Variants in ZNF804B observed in about 807,000 individuals in gnomAD.
ZNF804B encodes zinc finger 804B.
A neutral mutation model predicts 101.4 loss-of-function variants in ZNF804B; 80 were observed. That is an observed-to-expected ratio of 0.79 (90% CI 0.66 to 0.95). The LOEUF is 0.95. Among genes scored for constraint, ZNF804B ranks in the 40% least tolerant of loss-of-function variants. The probability of loss-of-function intolerance (pLI) is 0.00; values close to 1 mark genes in which losing one functional copy is unlikely to be tolerated. For synonymous variants in ZNF804B, 622 were observed against 558.8 expected, an observed-to-expected ratio of 1.11 and a Z score of -1.59; for missense variants, 1,673 against 1,561.9, an observed-to-expected ratio of 1.07 and a Z score of -1.20.
chr7:89,156,335 A>G (rs566455074), intron 1 of ZNF804B, among the ~76,000 whole-genome samples: 12 of 152,074 alleles, frequency 7.9e-5, no homozygotes, highest in African/African-American at 2.9e-4. Context: ...GGCTGATCTC[A>G]AACTCCCGAC....
At chr7:89,051,229 TC>T (rs1206590400) in intron 1 of ZNF804B, among the ~76,000 whole-genome samples, 1 of 152,048 alleles carries the variant, frequency 6.6e-6, no homozygotes, top group African/African-American at 2.4e-5. Flanking sequence ...AAAAAAAAAT[TC>T]CAGAAGAGTT....
At chr7:89,306,695 C>CTT (rs1360961654) in intron 2 of ZNF804B, among the ~76,000 whole-genome samples, 1 of 151,920 alleles carries the variant, frequency 6.6e-6, no homozygotes, top group Non-Finnish European at 1.5e-5. Flanking sequence ...AATTTTAGGA[C>CTT]TGGGTGTAGG....
intron 1 of ZNF804B, among the ~76,000 whole-genome samples, chr7:89,186,263 A>G (rs915947766): frequency 1.3e-5 from 2 of 152,274 alleles, no homozygotes; most frequent in East Asian, 3.9e-4. Flanking sequence ...TACACAGTAT[A>G]GCTAAAAGAC....
chr7:89,297,348 T>A (rs1032507281), intron 2 of ZNF804B, among the ~76,000 whole-genome samples: 1 of 152,042 alleles, frequency 6.6e-6, no homozygotes, highest in African/African-American at 2.4e-5. Context: ...TCTAAATAGA[T>A]AAGAATTGCT....
intron 1 of ZNF804B, among the ~76,000 whole-genome samples, chr7:89,037,157 A>G (rs530050886): frequency 6.6e-6 from 1 of 152,254 alleles, no homozygotes; most frequent in South Asian, 2.1e-4. Flanking sequence ...TCTGAGTCCT[A>G]TGGGCAATGC....
chr7:89,333,940 A>G lies in ZNF804B; in HGVS notation c.958A>G (p.Ile320Val). The G allele has an allele frequency of 1.2e-6, 2 of 1,613,642 alleles. No individual in the cohort carries two copies. Among genetic ancestry groups the G allele is most frequent in the Non-Finnish European group, 8.5e-7 (1 of 1,179,770 alleles). ...TGAGACACTAGAAGATTCAATTGGCATTCATGCTTCATTCTCTAAATCTAA... is the reference window on the plus strand; with the variant it reads ...TGAGACACTAGAAGATTCAATTGGCGTTCATGCTTCATTCTCTAAATCTAA... Reference protein sequence around the residue: ...IDETLEDSIGIHASFSKSNIH... With the variant: ...IDETLEDSIGVHASFSKSNIH... The change falls in exon 4 of 4, where the codon ATT becomes GTT. Residue 320 changes from isoleucine to valine, a missense_variant. Transcript: ENST00000333190.
intron 1 of ZNF804B, among the ~76,000 whole-genome samples, chr7:88,860,187 A>G (rs1791625844): frequency 1.3e-5 from 2 of 152,180 alleles, no homozygotes; most frequent in East Asian, 1.9e-4. Context: ...TCTTGCTCAG[A>G]GTATTACAAT....
intron 1 of ZNF804B, among the ~76,000 whole-genome samples, chr7:89,006,092 T>C (rs1788366049): frequency 6.6e-6 from 1 of 152,112 alleles, no homozygotes; most frequent in African/African-American, 2.4e-5. Flanking sequence ...CATGCAACAG[T>C]ATAGCTGACT....
rs982888469 is a variant in ZNF804B at position 89,327,544 on chromosome 7, C to A, written c.380+70C>A. 78 of 1,559,684 alleles carry A rather than the reference C, an allele frequency of 5.0e-5. No homozygotes were observed. The African/African-American group carries it at 1.1e-3, about 21-fold the overall frequency. On this transcript the variant is annotated intron_variant, in intron 3 of 3. Transcript: ENST00000333190. ...CTATGGGGAAATTTTAAAGGCAAAT[C>A]TACTGTAACAATGTAAACAAATAAT...
rs148112285 is a variant in ZNF804B at position 89,241,561 on chromosome 7, C to T, written c.249+23266C>T. Among the ~76,000 whole-genome samples, 70 of 152,232 alleles carry T rather than the reference C, an allele frequency of 4.6e-4. 1 individual carries two copies. Among genetic ancestry groups the T allele is most frequent in the African/African-American group, 1.5e-3 (63 of 41,556 alleles). ...CAGAACCTGATTCATAATAGGTACT[C>T]TAATACTATTGTACCTAGTTAAAAT... On this transcript the variant is annotated intron_variant, in intron 2 of 3. Transcript: ENST00000333190.
At chr7:89,031,199 A>C (rs56231963) in intron 1 of ZNF804B, among the ~76,000 whole-genome samples, 1 of 149,652 alleles carries the variant, frequency 6.7e-6, no homozygotes, top group Non-Finnish European at 1.5e-5. Flanking sequence ...ATATATATAT[A>C]TGTGTGTGTG....
chr7:89,335,961 A>C lies in ZNF804B; in HGVS notation c.2979A>C (p.Gln993His), dbSNP rs759509635. 6.2e-7 allele frequency: 1 copy of C among 1,614,100 alleles called. No homozygotes were observed. Among genetic ancestry groups the C allele is most frequent in the South Asian group, 1.1e-5 (1 of 91,090 alleles). ...ATGCAAGTGAGAGCAGAAATGATCA[A>C]GACAGTGCAATTCCAAGGACTACGG... ...IQYASESRND[Q>H]DSAIPRTTEK... Residue 993 changes from glutamine to histidine, a missense_variant, in exon 4 of 4, where the codon CAA (glutamine) becomes CAC (histidine). Transcript: ENST00000333190.
intron 1 of ZNF804B, among the ~76,000 whole-genome samples, chr7:89,191,453 C>T (rs2115614541): frequency 6.6e-6 from 1 of 152,104 alleles, no homozygotes; most frequent in East Asian, 1.9e-4. Context: ...CATCTGAATG[C>T]TTTTAAGGCC....
intron 1 of ZNF804B, among the ~76,000 whole-genome samples, chr7:88,971,527 C>T (rs1159371531): frequency 6.6e-6 from 1 of 151,592 alleles, no homozygotes; most frequent in Non-Finnish European, 1.5e-5. Context: ...ATTCACCCTT[C>T]CAATTCTCCA....
chr7:89,132,715 T>C (rs1790572720), intron 1 of ZNF804B, among the ~76,000 whole-genome samples: 1 of 152,102 alleles, frequency 6.6e-6, no homozygotes, highest in Non-Finnish European at 1.5e-5. Flanking sequence ...AATATTGTTA[T>C]TATTGTTGTG....
At chr7:89,178,955 A>G (rs1202839939) in intron 1 of ZNF804B, among the ~76,000 whole-genome samples, 2 of 152,072 alleles carry the variant, frequency 1.3e-5, no homozygotes, top group Non-Finnish European at 2.9e-5. Flanking sequence ...CTAAGAGAAA[A>G]TATTTTTTCC....
chr7:88,944,975 G>T (rs1434788913), intron 1 of ZNF804B, among the ~76,000 whole-genome samples: 2 of 151,866 alleles, frequency 1.3e-5, no homozygotes, highest in Non-Finnish European at 2.9e-5. Flanking sequence ...GTTCCTTGTG[G>T]GTTCTGGATA....
Position 89,316,369 on chromosome 7 carries a change from G to T in ZNF804B, c.250-10975G>T, listed in dbSNP as rs147937384. 2.3e-3 allele frequency among the ~76,000 whole-genome samples: 356 copies of T among 152,040 alleles called. 2 individuals are homozygous for T. Among genetic ancestry groups the T allele is most frequent in the African/African-American group, 8.3e-3 (345 of 41,462 alleles). On this transcript the variant is annotated intron_variant, in intron 2 of 3. Transcript: ENST00000333190. ...GCTGACAAAATCTAATCAGGAAATG[G>T]CAACCTATAAATTTTGTGGACCAAT...
intron 1 of ZNF804B, among the ~76,000 whole-genome samples, chr7:88,987,026 A>G (rs556675093): frequency 1.1e-4 from 16 of 152,190 alleles, no homozygotes; most frequent in African/African-American, 3.9e-4. Context: ...TTCTCTATCA[A>G]ATAGCTCTAT....
Sources: allele counts gnomAD v4.1 joint callset (sites outside exome capture counted in the v4.1 genomes callset), GRCh38; gene constraint gnomAD v4.1.1; transcripts MANE v1.5; gene names NCBI Gene and HGNC (gene_info 2026-07-23, HGNC 2026-07-21).